MDGA2: variants seen among roughly 807,000 people sequenced by gnomAD.
MDGA2 encodes the protein MAM domain-containing glycosylphosphatidylinositol anchor protein 2.
In MDGA2, 40 loss-of-function variants were observed where a neutral mutation model predicts 117.8. The observed-to-expected ratio is 0.34, with a 90% CI of 0.26 to 0.44. MDGA2 has a LOEUF of 0.44. Among genes scored for constraint, MDGA2 ranks in the 20% least tolerant of loss-of-function variants. The probability of loss-of-function intolerance (pLI) is 1.00; values close to 1 mark genes in which losing one functional copy is unlikely to be tolerated. For synonymous variants in MDGA2, 452 were observed against 439.0 expected, an observed-to-expected ratio of 1.03 and a Z score of -0.37; for missense variants, 1,123 against 1,250.6, an observed-to-expected ratio of 0.90 and a Z score of 1.54.
chr14:47,516,054 C>T (rs1472589653), intron 1 of MDGA2, among the ~76,000 whole-genome samples: 1 of 152,056 alleles, frequency 6.6e-6, no homozygotes. Context: ...AATCATTAGC[C>T]CCAGTTCAAA....
At chr14:47,108,758 G>A (rs539681683) in intron 5 of MDGA2, among the ~76,000 whole-genome samples, 1 of 152,296 alleles carries the variant, frequency 6.6e-6, no homozygotes, top group East Asian at 1.9e-4. Flanking sequence ...TCACACGGAT[G>A]CGCAAGAAAA....
chr14:47,334,098 T>G (rs1013339359), intron 1 of MDGA2, among the ~76,000 whole-genome samples: 1 of 151,834 alleles, frequency 6.6e-6, no homozygotes, highest in Non-Finnish European at 1.5e-5. Context: ...TATAGAATAT[T>G]TGAAATCTTC....
chr14:46,948,134 TTCA>T (rs1190241286), intron 9 of MDGA2, among the ~76,000 whole-genome samples: 7 of 152,128 alleles, frequency 4.6e-5, no homozygotes, highest in African/African-American at 1.7e-4. Context: ...CTCTTTTTTC[TTCA>T]TCATGTTTCT....
intron 1 of MDGA2, among the ~76,000 whole-genome samples, chr14:47,513,261 CT>C (rs1164152724): frequency 6.6e-6 from 1 of 152,066 alleles, no homozygotes; most frequent in Non-Finnish European, 1.5e-5. Context: ...TTATTGAAGA[CT>C]TTCTTTCATT....
intron 14 of MDGA2, among the ~76,000 whole-genome samples, chr14:46,866,338 T>C (rs1317104353): frequency 1.3e-5 from 2 of 152,140 alleles, no homozygotes; most frequent in South Asian, 2.1e-4. Flanking sequence ...TGGCTAGCCA[T>C]ATGTAGAAAG....
rs1029906474 is a variant in MDGA2 at position 47,602,514 on chromosome 14, C to T, written c.280+72003G>A. ...CTAAAAACAACAGGAAAAAAGAGAC[C>T]ACCTATGTTCCTTCTCTTTTTAGGT... On this transcript the variant is annotated intron_variant, in intron 1 of 16. Coordinates refer to ENST00000399232, the MANE Select transcript of MDGA2 (RefSeq NM_001113498.3). 5.9e-5 allele frequency among the ~76,000 whole-genome samples: 9 copies of T among 151,842 alleles called. 1 individual carries two copies. Among genetic ancestry groups the T allele is most frequent in the South Asian group, 4.2e-4 (2 of 4,810 alleles).
chr14:47,341,592 T>C (rs1890623753), intron 1 of MDGA2, among the ~76,000 whole-genome samples: 1 of 152,226 alleles, frequency 6.6e-6, no homozygotes, highest in Non-Finnish European at 1.5e-5. Flanking sequence ...AATATTTTCT[T>C]TGATAATACA....
chr14:46,858,359 G>C (rs1261624106), intron 14 of MDGA2, among the ~76,000 whole-genome samples: 1 of 148,860 alleles, frequency 6.7e-6, no homozygotes, highest in Non-Finnish European at 1.5e-5. Context: ...GATTCTTTCA[G>C]CACATTCTGT....
At chr14:47,096,753 T>C (rs149112726) in intron 6 of MDGA2, 101 bp downstream of exon 6, 290 of 1,134,606 alleles carry the variant, frequency 2.6e-4, no homozygotes, top group Non-Finnish European at 3.3e-4. Context: ...ATTTTACAGA[T>C]ACATGCAATA....
At chr14:47,660,944 A>G (rs1041823564) in intron 1 of MDGA2, among the ~76,000 whole-genome samples, 6 of 152,198 alleles carry the variant, frequency 3.9e-5, no homozygotes, top group Non-Finnish European at 7.4e-5. Flanking sequence ...AAAAGAAAAA[A>G]GAATTATAAA....
At chr14:47,332,713 A>G (rs556156888) in intron 1 of MDGA2, among the ~76,000 whole-genome samples, 1 of 151,902 alleles carries the variant, frequency 6.6e-6, no homozygotes, top group African/African-American at 2.4e-5. Context: ...TTACATGGGT[A>G]TATTGCTAAT....
chr14:46,932,541 C>T (rs1884620630), intron 9 of MDGA2, among the ~76,000 whole-genome samples: 2 of 151,880 alleles, frequency 1.3e-5, no homozygotes, highest in Non-Finnish European at 2.9e-5. Context: ...ATAACCTTTC[C>T]TAAAATCATC....
chr14:47,094,497 A>G (rs1314873355), intron 6 of MDGA2, among the ~76,000 whole-genome samples: 1 of 152,022 alleles, frequency 6.6e-6, no homozygotes, highest in Non-Finnish European at 1.5e-5. Flanking sequence ...TTTATATTGG[A>G]CATTTTGCCA....
At chr14:47,364,243 T>C (rs915335338) in intron 1 of MDGA2, among the ~76,000 whole-genome samples, 2 of 152,174 alleles carry the variant, frequency 1.3e-5, no homozygotes, top group African/African-American at 4.8e-5. Flanking sequence ...ATATGCTAAT[T>C]TGTTAATCCA....
chr14:47,420,960 G>T (rs1594848443), intron 1 of MDGA2, among the ~76,000 whole-genome samples: 1 of 152,032 alleles, frequency 6.6e-6, no homozygotes, highest in South Asian at 2.1e-4. Flanking sequence ...TATATACAAA[G>T]AAAACATGCC....
chr14:47,507,912 G>A lies in MDGA2; in HGVS notation c.280+166605C>T, dbSNP rs548056984. 8.5e-5 allele frequency among the ~76,000 whole-genome samples: 13 copies of A among 152,260 alleles called. No homozygotes were observed. The South Asian group carries it at 1.0e-3, about 12-fold the overall frequency. Reference sequence around the variant, plus strand: ...GAACTGAAGCAGGGACTGAAAAAACGACTGCAACTTTAATGTAGTCCAGCT... The same window carrying A: ...GAACTGAAGCAGGGACTGAAAAAACAACTGCAACTTTAATGTAGTCCAGCT... On this transcript the variant is annotated intron_variant, in intron 1 of 16. Transcript: ENST00000399232.
intron 3 of MDGA2, among the ~76,000 whole-genome samples, chr14:47,163,191 G>C (rs1883714015): frequency 6.6e-6 from 1 of 152,160 alleles, no homozygotes; most frequent in African/African-American, 2.4e-5. Context: ...GTGGTGAAGA[G>C]GCAGACTAGC....
intron 8 of MDGA2, among the ~76,000 whole-genome samples, chr14:46,983,056 T>A (rs1232223023): frequency 6.6e-6 from 1 of 152,080 alleles, no homozygotes; most frequent in Non-Finnish European, 1.5e-5. Context: ...CTGCATCTAT[T>A]GAGATAATCA....
At chr14:46,987,308 G>A (rs1886896357) in intron 8 of MDGA2, among the ~76,000 whole-genome samples, 1 of 152,082 alleles carries the variant, frequency 6.6e-6, no homozygotes, top group Non-Finnish European at 1.5e-5. Context: ...CTTGGTTAAT[G>A]CTGAAGCACT....
Sources: allele counts gnomAD v4.1 joint callset (sites outside exome capture counted in the v4.1 genomes callset), GRCh38; gene constraint gnomAD v4.1.1; transcripts MANE v1.5; gene names NCBI Gene and HGNC (gene_info 2026-07-23, HGNC 2026-07-21).